ATRNL1: variants seen among roughly 807,000 people sequenced by gnomAD.
The protein encoded by ATRNL1 is attractin-like protein 1.
ATRNL1 carries 95 observed loss-of-function variants against 182.7 expected under a neutral mutation model. That is an observed-to-expected ratio of 0.52 (90% CI 0.44 to 0.62). The LOEUF (loss-of-function observed/expected upper bound fraction) is 0.62. Among genes scored for constraint, ATRNL1 ranks in the 20% least tolerant of loss-of-function variants. The pLI is 0.00. For synonymous variants in ATRNL1, 576 were observed against 568.3 expected (o/e 1.01, Z -0.19); for missense variants, 1,471 against 1,679.5 (o/e 0.88, Z 2.17).
At chr10:115,703,342 T>G (rs1022614332) in intron 26 of ATRNL1, among the ~76,000 whole-genome samples, 1 of 151,892 alleles carries the variant, frequency 6.6e-6, no homozygotes, top group Non-Finnish European at 1.5e-5. Context: ...TTCTGGACAC[T>G]GACCTTGGGA....
At chr10:115,249,126 C>T (rs1033093712) in intron 10 of ATRNL1, among the ~76,000 whole-genome samples, 18 of 151,906 alleles carry the variant, frequency 1.2e-4, no homozygotes, top group African/African-American at 4.4e-4. Flanking sequence ...AGATTACAGG[C>T]GCCTGCCACC....
intron 19 of ATRNL1, among the ~76,000 whole-genome samples, chr10:115,392,777 C>G (rs1181958822): frequency 6.6e-6 from 1 of 152,188 alleles, no homozygotes; most frequent in African/African-American, 2.4e-5. Context: ...TCTTCCTGTT[C>G]TGGCAACTTT....
intron 10 of ATRNL1, among the ~76,000 whole-genome samples, chr10:115,256,041 G>T (rs1048790137): frequency 6.6e-6 from 1 of 152,200 alleles, no homozygotes; most frequent in Non-Finnish European, 1.5e-5. Context: ...TGGTTTGCCA[G>T]TATTTTATTG....
Position 115,263,363 on chromosome 10 carries a change from G to A in ATRNL1, c.1688-1830G>A, listed in dbSNP as rs181373669. ...AAAACAGAAGATAACAAGGGTTGAC[G>A]AGGATGTGGAGACATATGAACCCTT... On this transcript the variant is annotated intron_variant, in intron 10 of 28. Transcript: ENST00000355044. 3.3e-5 allele frequency among the ~76,000 whole-genome samples: 5 copies of A among 151,866 alleles called. No individual in the cohort carries two copies. In the East Asian group the frequency reaches 7.7e-4, roughly 23 times the overall value.
At chr10:115,597,559 T>A (rs1856322925) in intron 26 of ATRNL1, 1 of 397,748 alleles carries the variant, frequency 2.5e-6, no homozygotes, top group Admixed American at 3.7e-5. Flanking sequence ...AACAATTCAT[T>A]TATGGGAGCT....
intron 20 of ATRNL1, among the ~76,000 whole-genome samples, chr10:115,424,298 G>A (rs1190696368): frequency 1.3e-5 from 2 of 152,218 alleles, no homozygotes; most frequent in Non-Finnish European, 2.9e-5. Context: ...TGGCGAGGTT[G>A]TGGAGAAAGA....
At chr10:115,468,104 T>A (rs1468704927) in intron 23 of ATRNL1, among the ~76,000 whole-genome samples, 5 of 150,652 alleles carry the variant, frequency 3.3e-5, no homozygotes, top group Admixed American at 6.6e-5. Context: ...ATTCAAAAAA[T>A]GAAAATTCAG....
intron 5 of ATRNL1, among the ~76,000 whole-genome samples, chr10:115,156,245 T>A (rs1846513201): frequency 6.6e-6 from 1 of 152,064 alleles, no homozygotes; most frequent in Non-Finnish European, 1.5e-5. Context: ...TCAGTTTGTT[T>A]GTGGGTTGGT....
At chr10:115,531,463 T>C (rs1253857058) in intron 25 of ATRNL1, among the ~76,000 whole-genome samples, 1 of 152,196 alleles carries the variant, frequency 6.6e-6, no homozygotes, top group Admixed American at 6.5e-5. Context: ...TTGGCCACTT[T>C]TTGATGGGGT....
chr10:115,501,721 GT>G (rs1849848738), intron 24 of ATRNL1, among the ~76,000 whole-genome samples: 1 of 152,108 alleles, frequency 6.6e-6, no homozygotes. Flanking sequence ...TTAAAGAAAA[GT>G]TTTCTTGACA....
chr10:115,562,210 A>G (rs1326576000), intron 26 of ATRNL1, among the ~76,000 whole-genome samples: 3 of 152,178 alleles, frequency 2.0e-5, no homozygotes, highest in African/African-American at 7.2e-5. Context: ...TGAAGTACTG[A>G]TGCATGTTAT....
At chr10:115,217,832 AAC>A (rs782248507) in intron 9 of ATRNL1, among the ~76,000 whole-genome samples, 99 of 152,314 alleles carry the variant, frequency 6.5e-4, no homozygotes, top group Admixed American at 9.8e-4. Context: ...AATTTCTTTA[AAC>A]ACACAAAGTT....
intron 19 of ATRNL1, among the ~76,000 whole-genome samples, chr10:115,360,010 C>A (rs1472216215): frequency 6.6e-6 from 1 of 151,586 alleles, no homozygotes; most frequent in Non-Finnish European, 1.5e-5. Context: ...ATGTAACTCC[C>A]ATTATTTGTA....
chr10:115,913,008 A>G (rs908220155), intron 28 of ATRNL1, among the ~76,000 whole-genome samples: 11 of 152,170 alleles, frequency 7.2e-5, no homozygotes, highest in African/African-American at 2.7e-4. Context: ...AAATTGTGAG[A>G]TAATGTGTAT....
At position 115,375,299 on chromosome 10, in the gene ATRNL1, A is replaced by G. The variant is rs147582299; in HGVS notation, c.3176-19360A>G. Among the ~76,000 whole-genome samples, 625 of 151,704 alleles carry G rather than the reference A, an allele frequency of 4.1e-3. 2 individuals carry two copies. The highest frequency in any genetic ancestry group is 0.013 in the African/African-American group (544 of 41,432). On this transcript the variant is annotated intron_variant, in intron 19 of 28. Transcript: ENST00000355044. ...GTCTGATATAGCCACCCCTGATCTC[A>G]TTTGGTTATTCTTTGCATGGAATAT...
Position 115,366,989 on chromosome 10 carries a change from T to G in ATRNL1, c.3176-27670T>G, listed in dbSNP as rs1452635552. ...TTTCAACTTTGGTGAATCTGACAAT[T>G]ATGTGTCTTGGAGTTGCTCTTCTCG... On this transcript the variant is annotated intron_variant, in intron 19 of 28. Transcript: ENST00000355044. 3.2e-4 allele frequency among the ~76,000 whole-genome samples: 44 copies of G among 138,212 alleles called. No homozygotes were observed. The East Asian group carries it at 8.4e-3, about 26-fold the overall frequency. 90.7% of individuals were successfully genotyped at this position (138,212 alleles called of 152,430 possible).
intron 28 of ATRNL1, among the ~76,000 whole-genome samples, chr10:115,926,903 C>T (rs941001381): frequency 5.3e-5 from 8 of 152,232 alleles, no homozygotes; most frequent in African/African-American, 1.7e-4. Flanking sequence ...GGACTCTTCC[C>T]TAACTCATTT....
At chr10:115,592,949 A>ATCTG (rs1217498911) in intron 26 of ATRNL1, among the ~76,000 whole-genome samples, 15 of 152,008 alleles carry the variant, frequency 9.9e-5, no homozygotes, top group Admixed American at 7.9e-4. Flanking sequence ...CTATCTGTCT[A>ATCTG]TCTATCTATC....
At chr10:115,924,793 T>C (rs1173842101) in intron 28 of ATRNL1, among the ~76,000 whole-genome samples, 3 of 152,196 alleles carry the variant, frequency 2.0e-5, no homozygotes, top group Non-Finnish European at 2.9e-5. Context: ...AAAATGTCAA[T>C]GGTAGTTTGA....
Sources: gnomAD v4.1 joint callset for allele counts (sites outside exome capture counted in the v4.1 genomes callset) on GRCh38, gnomAD v4.1.1 for gene constraint, MANE v1.5 for transcripts, NCBI Gene and HGNC (gene_info 2026-07-23, HGNC 2026-07-21) for gene names.